Variants in SYBU observed in about 807,000 individuals in gnomAD.
SYBU encodes GOLSYN A protein.
In SYBU, 21 loss-of-function variants were observed where a neutral mutation model predicts 35.9. That is an observed-to-expected ratio of 0.58 (90% CI 0.41 to 0.84). SYBU has a LOEUF of 0.84. Ranked by LOEUF, SYBU falls within the 40% of genes least tolerant of loss-of-function variation. SYBU has a pLI of 0.00. For synonymous variants in SYBU, 319 were observed against 324.3 expected, an observed-to-expected ratio of 0.98 and a Z score of 0.18; for missense variants, 768 against 848.2, an observed-to-expected ratio of 0.91 and a Z score of 1.17.
chr8:109,612,578 A>G lies in SYBU; in HGVS notation c.427+6264T>C, dbSNP rs533689091. On this transcript the variant is annotated intron_variant, in intron 3 of 6. Coordinates refer to ENST00000276646, the MANE Select transcript of SYBU (RefSeq NM_001099754.2). The stretch of plus-strand genomic sequence containing the variant: ...TTGGCACATTTTTCTGCCTTCATAT[A>G]CATTGTGTTTTCCAACTTCACCATC... 5.9e-5 allele frequency among the ~76,000 whole-genome samples: 9 copies of G among 152,364 alleles called. No homozygotes were observed. In the East Asian group the frequency reaches 7.7e-4, roughly 13 times the overall value.
At chr8:109,684,979 A>G (rs979569684), upstream of SYBU, among the ~76,000 whole-genome samples, 2 of 152,210 alleles carry the variant, frequency 1.3e-5, no homozygotes, top group African/African-American at 4.8e-5. Flanking sequence ...CTAAAGAGCT[A>G]GAATTCACAT....
At chr8:109,643,853 T>C (rs866054836) in intron 1 of SYBU, among the ~76,000 whole-genome samples, 38 of 152,322 alleles carry the variant, frequency 2.5e-4, no homozygotes, top group Middle Eastern at 3.4e-3. Context: ...CTGCACACCA[T>C]GCCAGAAGTA....
chr8:109,601,145 A>T (rs532698950), intron 3 of SYBU, among the ~76,000 whole-genome samples: 2 of 152,332 alleles, frequency 1.3e-5, no homozygotes, highest in South Asian at 4.1e-4. Context: ...GCCACTAGCC[A>T]CTGTGGACTC....
chr8:109,644,994 C>G, upstream of SYBU: 1 of 497,364 alleles, frequency 2.0e-6, no homozygotes, highest in South Asian at 1.9e-5. Context: ...CTCCGCGCCC[C>G]CCCAGCCAGA....
At chr8:109,602,042 T>C (rs1306815265) in intron 3 of SYBU, among the ~76,000 whole-genome samples, 1 of 152,026 alleles carries the variant, frequency 6.6e-6, no homozygotes, top group Non-Finnish European at 1.5e-5. Context: ...TGGAGATGGG[T>C]CATAAGGTAA....
chr8:109,622,181 G>GTATCTAAC (rs201200550), intron 2 of SYBU, among the ~76,000 whole-genome samples: 349 of 146,476 alleles, frequency 2.4e-3, no homozygotes, highest in African/African-American at 8.5e-3. Flanking sequence ...AATAATATGA[G>GTATCTAAC]TATCTATCTA....
Position 109,574,993 on chromosome 8 carries a change from A to T in SYBU, c.1905T>A (p.Pro635=). The part of the protein sequence containing the change: ...AFSTQRGGTD[P]VYNIGALLRG... Reference sequence around the variant, plus strand: ...TGAGCAAGGCCCCGATGTTATACACAGGATCCGTTCCCCCTCTCTGAGTAC... The same window carrying T: ...TGAGCAAGGCCCCGATGTTATACACTGGATCCGTTCCCCCTCTCTGAGTAC... Residue 635 remains proline, a synonymous_variant, in exon 7 of 7, where the codon CCT becomes CCA. Coordinates refer to ENST00000276646, the MANE Select transcript of SYBU (RefSeq NM_001099754.2). 6.4e-7 allele frequency: 1 copy of T among 1,572,524 alleles called. No homozygotes were observed. The highest frequency in any genetic ancestry group is 8.6e-7 in the Non-Finnish European group (1 of 1,158,034).
intron 1 of SYBU, among the ~76,000 whole-genome samples, chr8:109,667,508 CAA>C (rs34197112): frequency 1.4e-5 from 2 of 144,074 alleles, no homozygotes; most frequent in African/African-American, 2.5e-5. Flanking sequence ...AGTAGTGCCA[CAA>C]AAAAAAAAAG....
chr8:109,642,213 C>T (rs1393525343), intron 2 of SYBU, among the ~76,000 whole-genome samples: 1 of 152,064 alleles, frequency 6.6e-6, no homozygotes, highest in Non-Finnish European at 1.5e-5. Context: ...GAACAGAAAA[C>T]CAAATACCGC....
intron 3 of SYBU, among the ~76,000 whole-genome samples, chr8:109,587,462 C>T (rs1823749886): frequency 6.6e-6 from 1 of 152,150 alleles, no homozygotes; most frequent in South Asian, 2.1e-4. Context: ...TGCTACTTCT[C>T]CCATACTATG....
chr8:109,670,539 A>C (rs1039060457), intron 1 of SYBU, among the ~76,000 whole-genome samples: 3 of 151,974 alleles, frequency 2.0e-5, no homozygotes, highest in Admixed American at 6.6e-5. Flanking sequence ...ATACCTCCTG[A>C]CCTTTACTGT....
intron 3 of SYBU, among the ~76,000 whole-genome samples, chr8:109,618,600 T>C (rs1812079345): frequency 1.3e-5 from 2 of 152,214 alleles, no homozygotes; most frequent in South Asian, 4.1e-4. Context: ...TTTTGTCTCT[T>C]TTTTAAAAAA....
intron 1 of SYBU, among the ~76,000 whole-genome samples, chr8:109,668,334 T>G (rs1816842844): frequency 6.6e-6 from 1 of 152,170 alleles, no homozygotes; most frequent in Admixed American, 6.5e-5. Context: ...GATCCAACTA[T>G]TTTTACATTA....
intron 1 of SYBU, among the ~76,000 whole-genome samples, chr8:109,650,522 G>T (rs1434027244): frequency 6.6e-6 from 1 of 152,106 alleles, no homozygotes; most frequent in African/African-American, 2.4e-5. Flanking sequence ...TTGGTGTGGG[G>T]GTCACTGGTG....
At chr8:109,597,142 C>G (rs911217800) in intron 3 of SYBU, among the ~76,000 whole-genome samples, 1 of 152,126 alleles carries the variant, frequency 6.6e-6, no homozygotes, top group Non-Finnish European at 1.5e-5. Flanking sequence ...CACTTCACAA[C>G]CCTGTACTTA....
chr8:109,660,701 A>T (rs1328780941), intron 1 of SYBU, among the ~76,000 whole-genome samples: 1 of 152,204 alleles, frequency 6.6e-6, no homozygotes, highest in East Asian at 1.9e-4. Context: ...GACAATTATA[A>T]ATAAATATTT....
At chr8:109,607,969 A>G in intron 3 of SYBU, 1 of 1,535,208 alleles carries the variant, frequency 6.5e-7, no homozygotes, top group Non-Finnish European at 8.7e-7. Flanking sequence ...ACAGCCTCCC[A>G]GCACAGGCTG....
At chr8:109,678,632 G>T (rs1028774058) in intron 1 of SYBU, among the ~76,000 whole-genome samples, 3 of 151,688 alleles carry the variant, frequency 2.0e-5, no homozygotes, top group Non-Finnish European at 4.4e-5. Context: ...GTAGAGACAG[G>T]GTTTCACCAT....
rs962878377 is a variant in SYBU at position 109,612,143 on chromosome 8, T to G, written c.427+6699A>C. Among the ~76,000 whole-genome samples, 8 of 152,318 alleles carry G rather than the reference T, an allele frequency of 5.3e-5. No individual in the cohort carries two copies. In the South Asian group the frequency reaches 1.7e-3, roughly 32 times the overall value. ...GTGACCTTGGATGAGTCACTTAACCTCCTTGTACCCCAGTTTTCCTATCTG... is the reference window on the plus strand; with the variant it reads ...GTGACCTTGGATGAGTCACTTAACCGCCTTGTACCCCAGTTTTCCTATCTG... On this transcript the variant is annotated intron_variant, in intron 3 of 6. Coordinates refer to ENST00000276646, the MANE Select transcript of SYBU (RefSeq NM_001099754.2).
Sources: gnomAD v4.1 joint callset for allele counts (sites outside exome capture counted in the v4.1 genomes callset) on GRCh38, gnomAD v4.1.1 for gene constraint, MANE v1.5 for transcripts, NCBI Gene and HGNC (gene_info 2026-07-23, HGNC 2026-07-21) for gene names.